The following TTLL11 variants were observed in gnomAD, a reference collection of about 807,000 sequenced individuals.
TTLL11 encodes tubulin polyglutamylase TTLL11.
TTLL11 carries 42 observed loss-of-function variants against 51.7 expected under a neutral mutation model. That is an observed-to-expected ratio of 0.81 (90% CI 0.64 to 1.05). The LOEUF (loss-of-function observed/expected upper bound fraction) is 1.05, where lower values mean the gene tolerates loss of function less well. Ranked by LOEUF, TTLL11 falls within the 50% of genes least tolerant of loss-of-function variation. The pLI, the probability that TTLL11 is intolerant of heterozygous loss-of-function variation, is 0.00. For missense variants in TTLL11, 799 were observed against 940.4 expected, an observed-to-expected ratio of 0.85 and a Z score of 1.97; for synonymous variants, 381 against 383.5, an observed-to-expected ratio of 0.99 and a Z score of 0.08.
At chr9:121,826,402 TTTATATATATGGG>T (rs1389280809) in intron 8 of TTLL11, among the ~76,000 whole-genome samples, 1 of 137,380 alleles carries the variant, frequency 7.3e-6, no homozygotes, top group Non-Finnish European at 1.6e-5. Flanking sequence ...TATATATGGG[TTTATATATATGGG>T]TTATATATAT....
At chr9:121,828,517 T>C (rs929142043) in intron 8 of TTLL11, among the ~76,000 whole-genome samples, 6 of 152,228 alleles carry the variant, frequency 3.9e-5, no homozygotes, top group African/African-American at 1.2e-4. Context: ...ATTAACATTT[T>C]TGTATGTTGC....
chr9:122,015,823 A>G (rs1843954943), intron 3 of TTLL11, among the ~76,000 whole-genome samples: 1 of 147,440 alleles, frequency 6.8e-6, no homozygotes, highest in Non-Finnish European at 1.5e-5. Flanking sequence ...AAAAAAAAAA[A>G]GAAAGAAAGT....
chr9:122,026,429 C>T (rs1193976841), intron 3 of TTLL11, among the ~76,000 whole-genome samples: 2 of 140,754 alleles, frequency 1.4e-5, no homozygotes, highest in African/African-American at 2.7e-5. Flanking sequence ...CAGAGCAAGA[C>T]TCCATTTCAA....
chr9:121,946,913 G>C lies in TTLL11; in HGVS notation c.1481+27096C>G, dbSNP rs752023974. On this transcript the variant is annotated intron_variant, in intron 6 of 8. Transcript: ENST00000321582. ...CCACTCAGCCTACCCCCATTCATTA[G>C]ATCACCTGCTTGGCCCTGACAGCAC... Among the ~76,000 whole-genome samples, 133 of 152,050 alleles carry C rather than the reference G, an allele frequency of 8.7e-4. 2 individuals are homozygous for C. Among genetic ancestry groups the C allele is most frequent in the Non-Finnish European group, 3.2e-4 (22 of 68,010 alleles).
chr9:121,881,818 G>C (rs1315394100), intron 6 of TTLL11, among the ~76,000 whole-genome samples: 1 of 152,084 alleles, frequency 6.6e-6, no homozygotes, highest in African/African-American at 2.4e-5. Context: ...CCCTCCTTTG[G>C]GCCAGAGACT....
intron 3 of TTLL11, among the ~76,000 whole-genome samples, chr9:122,023,720 A>G (rs879298332): frequency 2.0e-5 from 3 of 149,734 alleles, no homozygotes; most frequent in African/African-American, 7.3e-5. Context: ...AGACACAGGG[A>G]AAAAAAAAAG....
chr9:121,921,464 C>G (rs1185346838), intron 6 of TTLL11, among the ~76,000 whole-genome samples: 1 of 152,090 alleles, frequency 6.6e-6, no homozygotes, highest in Non-Finnish European at 1.5e-5. Context: ...AAAAAACTCG[C>G]CACAGGATTC....
chr9:122,055,774 C>T (rs368457192), intron 1 of TTLL11, among the ~76,000 whole-genome samples: 2 of 152,324 alleles, frequency 1.3e-5, no homozygotes, highest in African/African-American at 4.8e-5. Context: ...CCATCATATC[C>T]TCATTTCACA....
At chr9:121,996,566 G>C (rs1246829586) in intron 3 of TTLL11, among the ~76,000 whole-genome samples, 1 of 152,184 alleles carries the variant, frequency 6.6e-6, no homozygotes, top group Non-Finnish European at 1.5e-5. Context: ...CTGAGGCCAA[G>C]GGGCAAGGAG....
In TTLL11 at chr9:121,989,197, G is replaced by A. The variant is rs1843023525; in HGVS notation, c.1267C>T (p.Gln423Ter). ...GGCTGGGAACTGGCAATGGTTACCT[G>A]GAAGCACGTGGGGCCCGGCCTCCCC... ...PTGRPGPTCFQILGFDILLMK... is the reference protein window; with the variant it reads ...PTGRPGPTCF Residue 423 changes from glutamine (Q) to a stop codon, truncating the protein, a stop_gained and splice_region_variant, in exon 4 of 9, where the codon CAG becomes TAG. Transcript: ENST00000321582. LOFTEE classifies it high-confidence loss of function. The surrounding 1 kb of genome is among the most constrained non-coding windows in gnomAD (Gnocchi z 4.2). The A allele has an allele frequency of 6.2e-7, 1 of 1,613,384 alleles. No homozygotes were observed. The highest frequency in any genetic ancestry group is 1.3e-5 in the African/African-American group (1 of 74,898).
At chr9:121,927,655 G>A (rs1840790415) in intron 6 of TTLL11, among the ~76,000 whole-genome samples, 1 of 150,846 alleles carries the variant, frequency 6.6e-6, no homozygotes, top group African/African-American at 2.4e-5. Context: ...TTTGAAGGTG[G>A]GAGAAGGCAG....
chr9:122,029,256 A>G (rs1217795365), intron 3 of TTLL11, among the ~76,000 whole-genome samples: 2 of 152,136 alleles, frequency 1.3e-5, no homozygotes, highest in African/African-American at 4.8e-5. Flanking sequence ...GTTATTTTAG[A>G]GTGTACTCCT....
At chr9:121,917,573 GA>G (rs1840382058) in intron 6 of TTLL11, among the ~76,000 whole-genome samples, 1 of 131,292 alleles carries the variant, frequency 7.6e-6, no homozygotes, top group African/African-American at 2.8e-5. Flanking sequence ...AAGAAAGAAA[GA>G]AAGGAAGGAA....
chr9:122,047,144 C>T (rs1243218701), intron 1 of TTLL11, among the ~76,000 whole-genome samples: 2 of 152,190 alleles, frequency 1.3e-5, no homozygotes, highest in East Asian at 3.9e-4. Flanking sequence ...GTCAGGTGAC[C>T]ACCTGCCCAT....
In TTLL11 at chr9:121,853,005, A is replaced by T; in HGVS notation, c.1840+7332T>A. On this transcript the variant is annotated intron_variant, in intron 8 of 8. Coordinates refer to ENST00000321582, the MANE Select transcript of TTLL11 (RefSeq NM_001139442.2). This position sits in a 1 kb window ranked among gnomAD's most constrained non-coding sequence, Gnocchi z 5.6. ...AAAGGAGACTGCGCTCAACATTCCA[A>T]ATGAAAATACTCTTCAATATTTCAG... 6.6e-6 allele frequency among the ~76,000 whole-genome samples: 1 copy of T among 152,182 alleles called. No individual in the cohort carries two copies. The highest frequency in any genetic ancestry group is 1.5e-5 in the Non-Finnish European group (1 of 68,028).
intron 6 of TTLL11, among the ~76,000 whole-genome samples, chr9:121,911,519 AAG>A (rs1840118045): frequency 6.6e-6 from 1 of 152,214 alleles, no homozygotes; most frequent in African/African-American, 2.4e-5. Flanking sequence ...CACAATAGCA[AAG>A]ACTTGAAACC....
chr9:122,049,215 A>G (rs569944966), intron 1 of TTLL11, among the ~76,000 whole-genome samples: 1 of 152,338 alleles, frequency 6.6e-6, no homozygotes, highest in South Asian at 2.1e-4. Context: ...GGTAATGCTT[A>G]TTCCTATGTC....
chr9:121,957,155 T>A (rs7852341), intron 6 of TTLL11, among the ~76,000 whole-genome samples: 2 of 151,350 alleles, frequency 1.3e-5, no homozygotes, highest in African/African-American at 4.8e-5. Flanking sequence ...AACCCCTCCC[T>A]CAGGGCAGGA....
chr9:122,070,717 A>G (rs1845704313), intron 1 of TTLL11, among the ~76,000 whole-genome samples: 1 of 152,150 alleles, frequency 6.6e-6, no homozygotes, highest in Non-Finnish European at 1.5e-5. Context: ...AGCAAAGGCC[A>G]GCGCTCCCCT....
Sources: gnomAD v4.1 joint callset for allele counts (sites outside exome capture counted in the v4.1 genomes callset) on GRCh38, gnomAD v4.1.1 for gene constraint, Gnocchi (gnomAD v3.1) non-coding constraint, MANE v1.5 for transcripts, NCBI Gene and HGNC (gene_info 2026-07-23, HGNC 2026-07-21) for gene names.